Variants in BTAF1 observed in about 807,000 individuals in gnomAD.
BTAF1 encodes TATA-binding protein-associated factor 172.
A neutral mutation model predicts 227.1 loss-of-function variants in BTAF1; 38 were observed. The observed-to-expected ratio is 0.17, with a 90% CI of 0.13 to 0.22. BTAF1 has a LOEUF of 0.22. BTAF1 is among the 10% of genes least tolerant of loss of function. The pLI is 1.00. For synonymous variants in BTAF1, 742 were observed against 751.9 expected (o/e 0.99, Z 0.21); for missense variants, 1,598 against 2,204.0 (o/e 0.73, Z 5.51).
intron 14 of BTAF1, among the ~76,000 whole-genome samples, chr10:91,973,527 G>T (rs1847459514): frequency 6.6e-6 from 1 of 152,194 alleles, no homozygotes; most frequent in Non-Finnish European, 1.5e-5. Context: ...CTTACTTTAT[G>T]CTAGGAACTG....
intron 24 of BTAF1, 89 bp from the exon 25 acceptor site, chr10:91,997,514 C>A: frequency 8.5e-7 from 1 of 1,181,752 alleles, no homozygotes; most frequent in South Asian, 1.5e-5. Context: ...AATGGTGAGC[C>A]TTTTAAAAAG....
chr10:91,992,156 C>T lies in BTAF1; in HGVS notation c.2892C>T (p.Val964=). The T allele has an allele frequency of 8.7e-6, 14 of 1,607,524 alleles. No homozygotes were observed. The highest frequency in any genetic ancestry group is 1.2e-5 in the Non-Finnish European group (14 of 1,177,668). ...TSEKDGMHHT[V]TKHRGIITLY... ...AAAAAGATGGAATGCACCATACTGT[C>T]ACCAAGCACAGAGGTATAATTACAC... Residue 964 remains valine, a synonymous_variant, in exon 21 of 38, where the codon GTC becomes GTT. Transcript: ENST00000265990.
At chr10:91,996,719 A>G in intron 24 of BTAF1, 149 bp downstream of exon 24, 2 of 792,268 alleles carry the variant, frequency 2.5e-6, no homozygotes, top group Non-Finnish European at 3.8e-6. Context: ...ATTTTGAAAT[A>G]TTTTTGTATT....
chr10:91,953,307 A>G (rs1845887573), intron 5 of BTAF1, among the ~76,000 whole-genome samples: 1 of 152,218 alleles, frequency 6.6e-6, no homozygotes, highest in African/African-American at 2.4e-5. Context: ...AAGTTGGACT[A>G]TAGCATGCTG....
chr10:91,950,156 G>T lies in BTAF1; in HGVS notation c.401-1247G>T, dbSNP rs1056571345. On this transcript the variant is annotated intron_variant, in intron 4 of 37. Coordinates refer to ENST00000265990, the MANE Select transcript of BTAF1 (RefSeq NM_003972.3). ...AGAGACCTTGTCCTTTGTGGGGGGG[G>T]GCGGGAAAGAAGACTAGGTTTTTAA... Among the ~76,000 whole-genome samples, 15 of 39,620 alleles carry T rather than the reference G, an allele frequency of 3.8e-4. 1 individual carries two copies. The highest frequency in any genetic ancestry group is 6.6e-4 in the African/African-American group (13 of 19,730). The allele number at this position is 39,620 out of a possible 152,430, so 26.0% of individuals were successfully genotyped here. A position where few individuals can be genotyped will look rare whatever the true frequency, so the allele number is the denominator to read the frequency against.
rs537538922 is a variant in BTAF1 at position 91,999,622 on chromosome 10, A to G, written c.3660+1871A>G. 1.2e-4 allele frequency among the ~76,000 whole-genome samples: 19 copies of G among 152,228 alleles called. No individual in the cohort carries two copies. In the South Asian group the frequency reaches 2.1e-3, roughly 17 times the overall value. ...TTGATCAGGCTGGTCTAAACTCCCAACCTCAGGTGATCCTCCCGCCTTGGC... is the reference window on the plus strand; with the variant it reads ...TTGATCAGGCTGGTCTAAACTCCCAGCCTCAGGTGATCCTCCCGCCTTGGC... On this transcript the variant is annotated intron_variant, in intron 25 of 37. Coordinates refer to ENST00000265990, the MANE Select transcript of BTAF1 (RefSeq NM_003972.3).
Position 91,981,778 on chromosome 10 carries a change from A to G in BTAF1, c.1891A>G (p.Lys631Glu). 1 of 1,613,312 alleles carries G rather than the reference A, an allele frequency of 6.2e-7. No homozygotes were observed. The highest frequency in any genetic ancestry group is 2.2e-5 in the East Asian group (1 of 44,868). The change falls in exon 16 of 38, where the codon AAA becomes GAA. Residue 631 changes from lysine (K) to glutamate (E), a missense_variant. By Grantham distance (56) the Lys-to-Glu change is moderately conservative (BLOSUM62 1). Around this residue, in one of 10 missense-constraint regions of BTAF1, gnomAD observed 318 missense variants for 435.0 expected, o/e 0.73. Transcript: ENST00000265990. ...CGATTTAAATATGTTGCTAGAAGTAAAAGCTAGAGCCAAGGTAAGTGTAGA... is the reference window on the plus strand; with the variant it reads ...CGATTTAAATATGTTGCTAGAAGTAGAAGCTAGAGCCAAGGTAAGTGTAGA... ...PIDLNMLLEV[K>E]ARAKEKTGGK...
At position 91,966,694 on chromosome 10, in the gene BTAF1, T is replaced by C; in HGVS notation, c.1587T>C (p.Thr529=). The C allele has an allele frequency of 1.2e-6, 2 of 1,614,008 alleles. No homozygotes were observed. The highest frequency in any genetic ancestry group is 1.7e-6 in the Non-Finnish European group (2 of 1,179,890). The stretch of plus-strand genomic sequence containing the variant: ...GTGTCTGGCCTTTTTTGCATCACAC[T>C]ATATCATCAGTTCGAAGAGCAGCAT... The part of the protein sequence containing the change: ...VPRVWPFLHH[T]ISSVRRAALE... Residue 529 remains threonine, a synonymous_variant, in exon 14 of 38, where the codon ACT becomes ACC. Coordinates refer to ENST00000265990, the MANE Select transcript of BTAF1 (RefSeq NM_003972.3).
intron 3 of BTAF1, 121 bp from the exon 4 acceptor site, chr10:91,942,300 GT>G: frequency 1.1e-5 from 1 of 88,094 alleles, no homozygotes; most frequent in Non-Finnish European, 2.5e-5. Context: ...AAAAAAGTTT[GT>G]GTGTGTGTGT....
chr10:91,948,574 G>C (rs559455392), intron 4 of BTAF1, among the ~76,000 whole-genome samples: 1 of 150,610 alleles, frequency 6.6e-6, no homozygotes, highest in South Asian at 2.1e-4. Context: ...AGAGATGGGG[G>C]TCTTGCTATG....
intron 25 of BTAF1, among the ~76,000 whole-genome samples, chr10:92,002,650 A>T (rs1190551582): frequency 2.0e-5 from 3 of 152,198 alleles, no homozygotes; most frequent in Non-Finnish European, 4.4e-5. Context: ...CTCTTAGCAG[A>T]TAAAGTTAAT....
At chr10:92,026,868 C>T in intron 36 of BTAF1, 117 bp downstream of exon 36, 2 of 1,158,110 alleles carry the variant, frequency 1.7e-6, no homozygotes, top group Non-Finnish European at 2.4e-6. Context: ...GTGTTATGAC[C>T]TTGGACAGAT....
intron 2 of BTAF1, among the ~76,000 whole-genome samples, chr10:91,939,386 A>G (rs185168997): frequency 6.6e-6 from 1 of 152,240 alleles, no homozygotes; most frequent in East Asian, 1.9e-4. Context: ...TTTGCTTTTT[A>G]GTATGTAAAA....
intron 33 of BTAF1, among the ~76,000 whole-genome samples, chr10:92,017,388 G>A (rs1216805127): frequency 6.6e-6 from 1 of 152,202 alleles, no homozygotes; most frequent in African/African-American, 2.4e-5. Flanking sequence ...GAGGTGGCAA[G>A]TGTCACTTTA....
chr10:92,006,276 C>T (rs1849875555), intron 25 of BTAF1, among the ~76,000 whole-genome samples: 1 of 152,122 alleles, frequency 6.6e-6, no homozygotes, highest in Non-Finnish European at 1.5e-5. Flanking sequence ...ATTTTGACAG[C>T]CTTCTCAAAT....
intron 19 of BTAF1, among the ~76,000 whole-genome samples, chr10:91,985,051 T>C (rs1288028046): frequency 6.6e-6 from 1 of 152,136 alleles, no homozygotes; most frequent in Non-Finnish European, 1.5e-5. Flanking sequence ...AGGTGGACCA[T>C]TTGGTGAATT....
At chr10:92,001,331 G>A (rs1051327255) in intron 25 of BTAF1, among the ~76,000 whole-genome samples, 1 of 152,208 alleles carries the variant, frequency 6.6e-6, no homozygotes, top group Admixed American at 6.5e-5. Context: ...CTTTGGCTGA[G>A]TATTCATCTG....
At chr10:91,933,794 C>T (rs1391831906) in intron 1 of BTAF1, among the ~76,000 whole-genome samples, 1 of 152,074 alleles carries the variant, frequency 6.6e-6, no homozygotes, top group Non-Finnish European at 1.5e-5. Context: ...TTAAAGTGTT[C>T]TAGAGAGTGG....
intron 14 of BTAF1, 104 bp from the exon 15 acceptor site, chr10:91,980,350 A>C: frequency 2.5e-6 from 2 of 801,938 alleles, no homozygotes; most frequent in Non-Finnish European, 4.0e-6. Context: ...GAAACCATGC[A>C]GTCTTTTCAT....
Sources: gnomAD v4.1 joint callset for allele counts (sites outside exome capture counted in the v4.1 genomes callset) on GRCh38, gnomAD v4.1.1 for gene constraint, gnomAD v4.1.1 regional missense constraint, MANE v1.5 for transcripts, NCBI Gene and HGNC (gene_info 2026-07-23, HGNC 2026-07-21) for gene names.